Variants in SLC7A14 observed in about 807,000 individuals in gnomAD.
SLC7A14 encodes the protein solute carrier family 7 member 14.
SLC7A14 carries 37 observed loss-of-function variants against 60.2 expected under a neutral mutation model. The observed-to-expected ratio is 0.61, with a 90% CI of 0.47 to 0.81. The LOEUF is 0.81. Ranked by LOEUF, SLC7A14 falls within the 30% of genes least tolerant of loss-of-function variation. The pLI is 0.00. For synonymous variants in SLC7A14, 399 were observed against 395.8 expected (o/e 1.01, Z -0.10); for missense variants, 886 against 982.7 (o/e 0.90, Z 1.32).
intron 1 of SLC7A14, among the ~76,000 whole-genome samples, chr3:170,536,512 T>C (rs1450992063): frequency 1.3e-5 from 2 of 152,352 alleles, no homozygotes; most frequent in Non-Finnish European, 1.5e-5. Context: ...TTGGGAAGTC[T>C]GATGGGCCCA....
chr3:170,474,396 C>T (rs1711552253), intron 7 of SLC7A14, among the ~76,000 whole-genome samples: 1 of 152,296 alleles, frequency 6.6e-6, no homozygotes, highest in Middle Eastern at 3.4e-3. Context: ...GGCAGTGCAC[C>T]TCTGCCAGCA....
chr3:170,546,057 A>G (rs1290247569), intron 1 of SLC7A14, among the ~76,000 whole-genome samples: 1 of 152,262 alleles, frequency 6.6e-6, no homozygotes, highest in Non-Finnish European at 1.5e-5. Flanking sequence ...CCAAATTGAA[A>G]TACTGGTCTA....
intron 1 of SLC7A14, among the ~76,000 whole-genome samples, chr3:170,583,992 G>T (rs755995475): frequency 2.6e-5 from 4 of 152,264 alleles, no homozygotes; most frequent in South Asian, 2.1e-4. Flanking sequence ...CAAAATGAAG[G>T]CATGAAAATG....
intron 2 of SLC7A14, among the ~76,000 whole-genome samples, chr3:170,506,653 T>A (rs1274939142): frequency 6.6e-6 from 1 of 152,202 alleles, no homozygotes; most frequent in East Asian, 1.9e-4. Context: ...CATGCAATGT[T>A]GACCTTTCTA....
intron 1 of SLC7A14, among the ~76,000 whole-genome samples, chr3:170,565,121 A>G (rs1714757097): frequency 6.6e-6 from 1 of 152,172 alleles, no homozygotes; most frequent in African/African-American, 2.4e-5. Flanking sequence ...TTCACAAGAA[A>G]GAGAACCAAG....
chr3:170,576,440 T>A (rs1428038852), intron 1 of SLC7A14, among the ~76,000 whole-genome samples: 2 of 152,256 alleles, frequency 1.3e-5, no homozygotes, highest in African/African-American at 2.4e-5. Flanking sequence ...CTGCTGGGAA[T>A]CTTTGCCCCT....
intron 2 of SLC7A14, among the ~76,000 whole-genome samples, chr3:170,516,224 C>T (rs1473554378): frequency 6.6e-6 from 1 of 152,246 alleles, no homozygotes; most frequent in South Asian, 2.1e-4. Context: ...AGAAGAGCTA[C>T]ATGAACTTTA....
intron 7 of SLC7A14, chr3:170,476,816 C>T (rs1294630716): frequency 6.6e-6 from 1 of 152,162 alleles, no homozygotes; most frequent in Non-Finnish European, 1.5e-5. Context: ...TTCCCAAAGT[C>T]ACAAGACAAA....
chr3:170,488,659 A>G (rs1360982022), intron 4 of SLC7A14, among the ~76,000 whole-genome samples: 2 of 152,252 alleles, frequency 1.3e-5, no homozygotes. Context: ...GAAGAATGAA[A>G]CTAGACCTTT....
Position 170,535,734 on chromosome 3 carries a change from T to G in SLC7A14, c.-152-8646A>C, listed in dbSNP as rs1209295120. 6.6e-6 allele frequency among the ~76,000 whole-genome samples: 1 copy of G among 152,188 alleles called. No homozygotes were observed. The highest frequency in any genetic ancestry group is 1.5e-5 in the Non-Finnish European group (1 of 68,042). ...GGCTGTGGCTCCAGCCAGGTGGCCC[T>G]CTCCACATAGCCCTAACTCTCTCTG... On this transcript the variant is annotated intron_variant, in intron 1 of 7. Coordinates refer to ENST00000231706, the MANE Select transcript of SLC7A14 (RefSeq NM_020949.3). The surrounding 1 kb of genome is among the most constrained non-coding windows in gnomAD (Gnocchi z 4.3).
intron 2 of SLC7A14, among the ~76,000 whole-genome samples, chr3:170,509,948 C>G (rs891432056): frequency 6.6e-6 from 1 of 151,410 alleles, no homozygotes; most frequent in Non-Finnish European, 1.5e-5. Flanking sequence ...CGTGGTGATG[C>G]ATGCCTGTAA....
intron 2 of SLC7A14, among the ~76,000 whole-genome samples, chr3:170,517,948 T>G (rs1204413554): frequency 2.6e-5 from 4 of 152,222 alleles, no homozygotes; most frequent in Non-Finnish European, 4.4e-5. Flanking sequence ...TGATCACAAT[T>G]TATTAATTCA....
rs116057299 is a variant in SLC7A14, at chr3:170,479,373, T to C, written c.1993+916A>G. The stretch of plus-strand genomic sequence containing the variant: ...GACTAAGGAACTTTAAAATGAGTCT[T>C]CCATTACACTTCTCAAGTTCTTACT... On this transcript the variant is annotated intron_variant, in intron 7 of 7. Coordinates refer to ENST00000231706, the MANE Select transcript of SLC7A14 (RefSeq NM_020949.3). Among the ~76,000 whole-genome samples the C allele has an allele frequency of 8.4e-3, 1,279 of 152,288 alleles. 26 individuals are homozygous for C. Among genetic ancestry groups the C allele is most frequent in the African/African-American group, 0.028 (1,184 of 41,564 alleles).
intron 1 of SLC7A14, chr3:170,570,511 G>C (rs900973313): frequency 1.3e-5 from 2 of 148,900 alleles, no homozygotes; most frequent in African/African-American, 5.0e-5. Context: ...ATAGTTTTCT[G>C]TATATAAACT....
At chr3:170,475,704 T>C in intron 7 of SLC7A14, among the ~76,000 whole-genome samples, 1 of 151,876 alleles carries the variant, frequency 6.6e-6, no homozygotes, top group Admixed American at 6.6e-5. Flanking sequence ...TGGGGTGGAG[T>C]TCAAAAATCA....
chr3:170,517,967 A>G (rs1713220515), intron 2 of SLC7A14, among the ~76,000 whole-genome samples: 1 of 152,232 alleles, frequency 6.6e-6, no homozygotes, highest in Non-Finnish European at 1.5e-5. Context: ...CACAACTATG[A>G]GAAAGATTTT....
intron 2 of SLC7A14, among the ~76,000 whole-genome samples, chr3:170,510,573 A>G (rs10490805): frequency 0.11 from 16,702 of 152,108 alleles, 1,508 homozygotes; most frequent in African/African-American, 0.24. Flanking sequence ...CATCATCAGC[A>G]TACATTATTT....
In SLC7A14 at chr3:170,532,028, A is replaced by T. The variant is rs1281444824; in HGVS notation, c.-152-4940T>A. Among the ~76,000 whole-genome samples the T allele has an allele frequency of 6.6e-6, 1 of 152,212 alleles. No individual in the cohort carries two copies. Among genetic ancestry groups the T allele is most frequent in the African/African-American group, 2.4e-5 (1 of 41,448 alleles). On this transcript the variant is annotated intron_variant, in intron 1 of 7. Coordinates refer to ENST00000231706, the MANE Select transcript of SLC7A14 (RefSeq NM_020949.3). The surrounding 1 kb of genome is among the most constrained non-coding windows in gnomAD (Gnocchi z 4.0). ...GAGGAGAGGAAGGAAACGAAGGCTA[A>T]CAAAACAGTAAACAGCCAGTAATCA...
rs187607688 is a variant in SLC7A14 at position 170,545,562 on chromosome 3, C to T, written c.-152-18474G>A. On this transcript the variant is annotated intron_variant, in intron 1 of 7. Transcript: ENST00000231706. ...ATTCTTAACATCCTTAAGACCTTAT[C>T]CCAAACTACTCTTTGCTGTCTCTTT... Among the ~76,000 whole-genome samples the T allele has an allele frequency of 2.1e-3, 327 of 152,300 alleles. 2 individuals are homozygous for T. The highest frequency in any genetic ancestry group is 7.5e-3 in the African/African-American group (310 of 41,562).
Sources: allele counts gnomAD v4.1 joint callset (sites outside exome capture counted in the v4.1 genomes callset), GRCh38; gene constraint gnomAD v4.1.1; non-coding constraint Gnocchi (gnomAD v3.1); transcripts MANE v1.5; gene names NCBI Gene and HGNC (gene_info 2026-07-23, HGNC 2026-07-21).